STAT5A: variants seen among roughly 807,000 people sequenced by gnomAD.
STAT5A encodes epididymis secretory sperm binding protein.
A neutral mutation model predicts 100.2 loss-of-function variants in STAT5A; 26 were observed. That is an observed-to-expected ratio of 0.26 (90% CI 0.19 to 0.36). The LOEUF (loss-of-function observed/expected upper bound fraction) is 0.36, where lower values mean the gene tolerates loss of function less well. Ranked by LOEUF, STAT5A falls within the 10% of genes least tolerant of loss-of-function variation. The pLI, the probability that STAT5A is intolerant of heterozygous loss-of-function variation, is 1.00. For synonymous variants in STAT5A, 330 were observed against 424.3 expected, an observed-to-expected ratio of 0.78 and a Z score of 2.73; for missense variants, 634 against 1,027.5, an observed-to-expected ratio of 0.62 and a Z score of 5.24.
intron 11 of STAT5A, among the ~76,000 whole-genome samples, chr17:42,305,320 T>C (rs2081017995): frequency 6.6e-6 from 1 of 152,022 alleles, no homozygotes; most frequent in Admixed American, 6.6e-5. Context: ...CTGACCAACA[T>C]GGAGAAACCC....
At chr17:42,290,107 C>A (rs1460855105) in intron 3 of STAT5A, 85 bp downstream of exon 3, 11 of 1,447,350 alleles carry the variant, frequency 7.6e-6, no homozygotes, top group Non-Finnish European at 1.0e-5. Flanking sequence ...CCTGGCCTGG[C>A]CACTGACTCA....
chr17:42,306,808 C>A (rs1359810093), intron 13 of STAT5A, among the ~76,000 whole-genome samples: 1 of 152,014 alleles, frequency 6.6e-6, no homozygotes, highest in Admixed American at 6.6e-5. Flanking sequence ...TAACCTCTGC[C>A]TCCCGGGTTC....
intron 4 of STAT5A, among the ~76,000 whole-genome samples, chr17:42,294,413 C>T (rs1203678759): frequency 6.6e-6 from 1 of 152,160 alleles, no homozygotes; most frequent in African/African-American, 2.4e-5. Flanking sequence ...ACAACTGTTC[C>T]TGAACACCCC....
chr17:42,310,982 T>G lies in STAT5A; in HGVS notation c.*313T>G. The G allele has an allele frequency of 2.8e-6, 1 of 359,920 alleles. No individual in the cohort carries two copies. Among genetic ancestry groups the G allele is most frequent in the Non-Finnish European group, 5.3e-6 (1 of 189,624 alleles). 22.3% of individuals were successfully genotyped at this position (359,920 alleles called of 1,614,324 possible). ...GCCAGACCTATTCCTCCTGGGCCCC[T>G]CATCTGCTCAGCAGCTATTTGAATG... is the stretch of plus-strand genomic sequence containing the variant. On this transcript the variant is annotated 3_prime_UTR_variant, in exon 19 of 19. Transcript: ENST00000590949.
chr17:42,304,556 C>T lies in STAT5A; in HGVS notation c.1284C>T (p.Asp428=). Residue 428 remains aspartate (D), a synonymous_variant, in exon 11 of 19, where the codon GAC becomes GAT. Coordinates refer to ENST00000590949, the MANE Select transcript of STAT5A (RefSeq NM_001288718.2). This position sits in a 1 kb window ranked among gnomAD's most constrained non-coding sequence, Gnocchi z 4.8. ...NMSLKRIKRA[D]RRGAESVTEE... is the part of the protein sequence containing the mutation. Reference sequence around the variant, plus strand: ...CACTGAAGAGGATCAAGCGTGCTGACCGGCGGGGTGCAGAGTCCGTGACAG... The same window carrying T: ...CACTGAAGAGGATCAAGCGTGCTGATCGGCGGGGTGCAGAGTCCGTGACAG... 2 of 1,614,244 alleles carry T rather than the reference C, an allele frequency of 1.2e-6. No individual in the cohort carries two copies. Among genetic ancestry groups the T allele is most frequent in the Non-Finnish European group, 1.7e-6 (2 of 1,180,050 alleles).
intron 12 of STAT5A, 126 bp downstream of exon 12, chr17:42,305,828 G>A: frequency 1.0e-6 from 1 of 992,128 alleles, no homozygotes; most frequent in Non-Finnish European, 1.5e-6. Context: ...GAGGTGAGGT[G>A]AGGCCAGAAG....
At chr17:42,298,752 G>T (rs1031078380) in intron 5 of STAT5A, among the ~76,000 whole-genome samples, 4 of 152,200 alleles carry the variant, frequency 2.6e-5, no homozygotes, top group African/African-American at 9.6e-5. Context: ...CTCCCAAAGT[G>T]CTGGGATTAC....
Position 42,304,241 on chromosome 17 carries a change from G to A in STAT5A, c.1170-101G>A. The A allele has an allele frequency of 9.0e-7, 1 of 1,113,774 alleles. No homozygotes were observed. The highest frequency in any genetic ancestry group is 1.3e-6 in the Non-Finnish European group (1 of 749,034). The allele number at this position is 1,113,774 out of a possible 1,614,324, so 69.0% of individuals were successfully genotyped here. A position where few individuals can be genotyped will look rare whatever the true frequency, so the allele number is the denominator to read the frequency against. On this transcript the variant is annotated intron_variant, in intron 9 of 18. Transcript: ENST00000590949. The surrounding 1 kb of genome is among the most constrained non-coding windows in gnomAD (Gnocchi z 4.8). ...TAGGGGATACGGGGCAGGGGCTGCT[G>A]GCAGGGCTGACCTGAGCGAAGACCC...
At position 42,289,267 on chromosome 17, in the gene STAT5A, A is replaced by T. The variant is rs115998473; in HGVS notation, c.-10-135A>T. 4.4e-5 allele frequency: 44 copies of T among 1,008,204 alleles called. No individual in the cohort carries two copies. In the African/African-American group the frequency reaches 6.9e-4, roughly 16 times the overall value. 62.5% of individuals were successfully genotyped at this position (1,008,204 alleles called of 1,614,324 possible). On this transcript the variant is annotated intron_variant, in intron 1 of 18. Transcript: ENST00000590949. Reference sequence around the variant, plus strand: ...CTCCTCACCATCTCTGTTCCCGCACAGGAAAGCTATCTGTGGGAGGGGAGG... The same window carrying T: ...CTCCTCACCATCTCTGTTCCCGCACTGGAAAGCTATCTGTGGGAGGGGAGG...
At chr17:42,300,650 C>T (rs1332727638) in intron 7 of STAT5A, 65 bp from the exon 8 acceptor site, 2 of 1,613,064 alleles carry the variant, frequency 1.2e-6, no homozygotes, top group Non-Finnish European at 1.7e-6. Flanking sequence ...GGAGCTGTGT[C>T]TTGGGGCCTG....
intron 4 of STAT5A, 136 bp downstream of exon 4, chr17:42,292,197 G>C: frequency 3.6e-6 from 4 of 1,116,192 alleles, no homozygotes; most frequent in Non-Finnish European, 5.2e-6. Flanking sequence ...GCAAGTGTAA[G>C]AGGTGGCAGC....
intron 18 of STAT5A, 125 bp downstream of exon 18, chr17:42,309,609 G>C: frequency 2.2e-6 from 2 of 924,224 alleles, no homozygotes; most frequent in Non-Finnish European, 3.3e-6. Flanking sequence ...GGAGGAGTGA[G>C]ATCAGCCAGG....
Position 42,308,935 on chromosome 17 carries a change from C to A in STAT5A, c.2063-112C>A. 1 of 1,376,284 alleles carries A rather than the reference C, an allele frequency of 7.3e-7. No individual in the cohort carries two copies. The highest frequency in any genetic ancestry group is 1.0e-6 in the Non-Finnish European group (1 of 972,946). The allele number at this position is 1,376,284 out of a possible 1,614,324, so 85.3% of individuals were successfully genotyped here. A position where few individuals can be genotyped will look rare whatever the true frequency, so the allele number is the denominator to read the frequency against. ...GGGTCCTTGGGAAATCTCATCCCAG[C>A]TGAGAACACAAGGTGATGTGAGCAG... On this transcript the variant is annotated intron_variant, in intron 16 of 18. Coordinates refer to ENST00000590949, the MANE Select transcript of STAT5A (RefSeq NM_001288718.2). This position sits in a 1 kb window ranked among gnomAD's most constrained non-coding sequence, Gnocchi z 4.6.
chr17:42,294,986 C>G (rs2080905124), intron 4 of STAT5A, among the ~76,000 whole-genome samples: 1 of 152,068 alleles, frequency 6.6e-6, no homozygotes, highest in South Asian at 2.1e-4. Context: ...CAACATCCCC[C>G]TCCTGGGTTC....
intron 12 of STAT5A, 131 bp from the exon 13 acceptor site, chr17:42,306,110 C>G: frequency 6.7e-7 from 1 of 1,492,194 alleles, no homozygotes. Context: ...CATTTCCTGC[C>G]CTTGCATTTG....
chr17:42,296,686 G>A (rs982098267), intron 5 of STAT5A, among the ~76,000 whole-genome samples: 9 of 151,984 alleles, frequency 5.9e-5, no homozygotes, highest in African/African-American at 1.9e-4. Context: ...CGCCCAGGCT[G>A]GAGCACAGTG....
At chr17:42,309,749 A>C in intron 18 of STAT5A, 1 of 397,084 alleles carries the variant, frequency 2.5e-6, no homozygotes. Flanking sequence ...GGAGGCAAGA[A>C]TGCTTGCCTC....
In STAT5A at chr17:42,305,153, T is replaced by C. The variant is rs142203213; in HGVS notation, c.1381-457T>C. Among the ~76,000 whole-genome samples the C allele has an allele frequency of 5.1e-3, 772 of 152,212 alleles. 3 individuals carry two copies. The highest frequency in any genetic ancestry group is 7.8e-3 in the Non-Finnish European group (530 of 67,992). ...AGGTCAAGGCTGCAGTGAGCTGTGA[T>C]TGCACCACTGCCCTCCAGTCTGGGC... On this transcript the variant is annotated intron_variant, in intron 11 of 18. Coordinates refer to ENST00000590949, the MANE Select transcript of STAT5A (RefSeq NM_001288718.2).
chr17:42,299,782 C>T lies in STAT5A; in HGVS notation c.582C>T (p.Pro194=). ...AQFAQLAQLS[P]QERLSRETAL... The stretch of plus-strand genomic sequence containing the variant: ...TTGCCCAGCTGGCCCAGCTGAGCCC[C>T]CAGGAGCGTCTGAGCCGGGAGACGG... Residue 194 remains proline, a synonymous_variant, in exon 6 of 19, where the codon CCC becomes CCT. Transcript: ENST00000590949. 1 of 1,614,160 alleles carries T rather than the reference C, an allele frequency of 6.2e-7. No individual in the cohort carries two copies. Among genetic ancestry groups the T allele is most frequent in the Non-Finnish European group, 8.5e-7 (1 of 1,180,016 alleles).
Sources: gnomAD v4.1 joint callset for allele counts (sites outside exome capture counted in the v4.1 genomes callset) on GRCh38, gnomAD v4.1.1 for gene constraint, Gnocchi (gnomAD v3.1) non-coding constraint, MANE v1.5 for transcripts, NCBI Gene and HGNC (gene_info 2026-07-23, HGNC 2026-07-21) for gene names.